UBN1: variants seen among roughly 807,000 people sequenced by gnomAD.
UBN1 encodes the protein ubinuclein-1.
UBN1 carries 17 observed loss-of-function variants against 108.5 expected under a neutral mutation model. The ratio of observed to expected loss-of-function variants is 0.16; its 90% CI spans 0.11 to 0.24. The LOEUF is 0.24. Ranked by LOEUF, UBN1 falls within the 10% of genes least tolerant of loss-of-function variation. The pLI is 1.00. For missense variants in UBN1, 1,595 were observed against 1,394.4 expected (o/e 1.14, Z -2.29); for synonymous variants, 726 against 564.2 (o/e 1.29, Z -4.07).
chr16:4,858,888 C>G (rs745588347), intron 4 of UBN1, 137 bp from the exon 5 acceptor site: 5 of 1,193,458 alleles, frequency 4.2e-6, no homozygotes, highest in East Asian at 2.3e-5. Flanking sequence ...CTCAGACATT[C>G]ATGTTTGACC....
intron 7 of UBN1, among the ~76,000 whole-genome samples, chr16:4,865,699 G>A (rs201254159): frequency 3.0e-5 from 1 of 33,832 alleles, no homozygotes; most frequent in South Asian, 8.0e-4. Flanking sequence ...TGGTGGCTCA[G>A]CCTGTAATCC....
At chr16:4,858,521 T>C in intron 3 of UBN1, 47 bp from the exon 4 acceptor site, 1 of 1,559,248 alleles carries the variant, frequency 6.4e-7, no homozygotes, top group South Asian at 1.1e-5. Flanking sequence ...CAGTTAATTC[T>C]GTGTGTTTAT....
intron 4 of UBN1, 84 bp downstream of exon 4, chr16:4,858,747 C>T: frequency 2.9e-6 from 4 of 1,378,260 alleles, no homozygotes; most frequent in South Asian, 2.4e-5. Flanking sequence ...GGGGTGGGGT[C>T]AGAGCAGTCG....
intron 6 of UBN1, 21 bp from the exon 7 acceptor site, chr16:4,860,643 C>T (rs774791222): frequency 3.8e-6 from 6 of 1,595,982 alleles, no homozygotes; most frequent in Non-Finnish European, 5.1e-6. Context: ...TCTGAGTGAC[C>T]AGTTTCCCTC....
Position 4,853,060 on chromosome 16 carries a change from C to A in UBN1, c.143C>A (p.Thr48Lys), listed in dbSNP as rs770432091. The change falls in exon 2 of 18, where the codon ACA (threonine) becomes AAA (lysine). Residue 48 changes from threonine to lysine, a missense_variant. By Grantham distance (78) the Thr-to-Lys change is moderately conservative. This residue lies in a region of UBN1 where 181 missense variants were observed against 157.3 expected (regional missense o/e 1.15). Transcript: ENST00000262376. ...CCGGCTGCAGCAGCTGTTCGGATTA[C>A]ACTCACCCTCTTTGAACCAGATCAC... ...CEPAAAAVRITLTLFEPDHKR... is the reference protein window; with the variant it reads ...CEPAAAAVRIKLTLFEPDHKR... 3 of 1,614,132 alleles carry A rather than the reference C, an allele frequency of 1.9e-6. No homozygotes were observed. The highest frequency in any genetic ancestry group is 2.5e-6 in the Non-Finnish European group (3 of 1,180,044).
At position 4,872,127 on chromosome 16, in the gene UBN1, C is replaced by T. The variant is rs963252375; in HGVS notation, c.1707-757C>T. 1.1e-5 allele frequency: 10 copies of T among 925,070 alleles called. No homozygotes were observed. The South Asian group carries it at 4.0e-4, about 37-fold the overall frequency. 57.3% of individuals were successfully genotyped at this position (925,070 alleles called of 1,614,324 possible). On this transcript the variant is annotated intron_variant, in intron 12 of 17. Coordinates refer to ENST00000262376, the MANE Select transcript of UBN1 (RefSeq NM_001079514.3). Reference sequence around the variant, plus strand: ...CTGGAGTGATTTTCTTGATTGGACTCGAATCATCTGTTGTGCGGATAGATC... The same window carrying T: ...CTGGAGTGATTTTCTTGATTGGACTTGAATCATCTGTTGTGCGGATAGATC...
intron 4 of UBN1, 37 bp from the exon 5 acceptor site, chr16:4,858,988 C>G: frequency 1.2e-6 from 2 of 1,606,118 alleles, no homozygotes; most frequent in Non-Finnish European, 1.7e-6. Context: ...ACTGCAGAAG[C>G]AGAACTTGGA....
chr16:4,869,859 G>C (rs1272886560), intron 8 of UBN1, among the ~76,000 whole-genome samples: 1 of 152,182 alleles, frequency 6.6e-6, no homozygotes, highest in Non-Finnish European at 1.5e-5. Context: ...ATGCTGCCGG[G>C]AAGTGTCTCC....
intron 5 of UBN1, 142 bp downstream of exon 5, chr16:4,859,301 C>T (rs906468499): frequency 1.8e-5 from 22 of 1,201,416 alleles, no homozygotes; most frequent in South Asian, 4.4e-5. Context: ...GTTGATGGCT[C>T]GCCTCTTACA....
At chr16:4,870,753 CT>C in intron 10 of UBN1, 90 bp from the exon 11 acceptor site, 6 of 1,590,690 alleles carry the variant, frequency 3.8e-6, no homozygotes, top group Non-Finnish European at 5.1e-6. Context: ...GCCTTTTCTC[CT>C]TCTCTGTGAA....
intron 4 of UBN1, 81 bp downstream of exon 4, chr16:4,858,744 G>A: frequency 2.2e-6 from 3 of 1,391,148 alleles, no homozygotes; most frequent in South Asian, 2.4e-5. Flanking sequence ...CTGGGGGTGG[G>A]GTCAGAGCAG....
Position 4,852,895 on chromosome 16 carries a change from C to T in UBN1, c.-23C>T, listed in dbSNP as rs749705037. 3.1e-6 allele frequency: 5 copies of T among 1,601,526 alleles called. No individual in the cohort carries two copies. The South Asian group carries it at 5.5e-5, about 18-fold the overall frequency. On this transcript the variant is annotated 5_prime_UTR_variant, in exon 2 of 18. Coordinates refer to ENST00000262376, the MANE Select transcript of UBN1 (RefSeq NM_001079514.3). ...TGTTAACAGAAGCCATGCAGTGACA[C>T]CCGCTAAGACTTGTTGGTAGCCATG... is the stretch of plus-strand genomic sequence containing the variant.
Position 4,874,592 on chromosome 16 carries a change from C to T in UBN1, c.2182C>T (p.Pro728Ser), listed in dbSNP as rs779059450. 5.4e-5 allele frequency: 87 copies of T among 1,614,112 alleles called. 2 individuals carry two copies. The South Asian group carries it at 9.3e-4, about 17-fold the overall frequency. The change falls in exon 15 of 18, where the codon CCA becomes TCA. Residue 728 changes from proline to serine, a missense_variant. Coordinates refer to ENST00000262376, the MANE Select transcript of UBN1 (RefSeq NM_001079514.3). Reference sequence around the variant, plus strand: ...GAAGCCTAGTCCTTCTGCTCCACCACCAGCTAGCTCTCTGCAGTCACCCCT... The same window carrying T: ...GAAGCCTAGTCCTTCTGCTCCACCATCAGCTAGCTCTCTGCAGTCACCCCT... ...FAKPSPSAPP[P>S]ASSLQSPLNF...
In UBN1 at chr16:4,874,410, G is replaced by T. The variant is rs144033760; in HGVS notation, c.2000G>T (p.Arg667Leu). 5.9e-4 allele frequency: 947 copies of T among 1,613,922 alleles called. 11 individuals carry two copies. In the Admixed American group the frequency reaches 0.014, roughly 24 times the overall value. ...LEDSLDEDLI[R>L]NPASSVEAVS... is the part of the protein sequence containing the mutation. ...GACTCATTGGATGAAGACTTGATCCGCAATCCAGCCTCCTCGGTGGAAGCC... is the reference window on the plus strand; with the variant it reads ...GACTCATTGGATGAAGACTTGATCCTCAATCCAGCCTCCTCGGTGGAAGCC... Residue 667 changes from arginine to leucine, a missense_variant, in exon 15 of 18, where the codon CGC (arginine) becomes CTC (leucine). Physicochemically the swap from Arg to Leu is moderately radical, Grantham distance 102. Coordinates refer to ENST00000262376, the MANE Select transcript of UBN1 (RefSeq NM_001079514.3).
chr16:4,853,953 TCTGCC>T (rs2086674855), intron 2 of UBN1, among the ~76,000 whole-genome samples: 1 of 152,124 alleles, frequency 6.6e-6, no homozygotes, highest in South Asian at 2.1e-4. Context: ...AAACCCTCCT[TCTGCC>T]CTGCCAGAAG....
At position 4,871,240 on chromosome 16, in the gene UBN1, G is replaced by C. The variant is rs767208649; in HGVS notation, c.1645G>C (p.Val549Leu). The change falls in exon 12 of 18, where the codon GTG (valine) becomes CTG (leucine). Residue 549 changes from valine (V) to leucine (L), a missense_variant. By Grantham distance (32) the Val-to-Leu change is conservative. Around this residue, in one of 3 missense-constraint regions of UBN1, gnomAD observed 1,398 missense variants for 1,194.7 expected, o/e 1.17. Coordinates refer to ENST00000262376, the MANE Select transcript of UBN1 (RefSeq NM_001079514.3). ...NNKAQAWEDCVKGFLDAEVKP... is the reference protein window; with the variant it reads ...NNKAQAWEDCLKGFLDAEVKP... ...CAAAGCCCAGGCTTGGGAGGACTGT[G>C]TGAAGGGCTTTCTGGATGCGGAAGT... 6.2e-7 allele frequency: 1 copy of C among 1,614,254 alleles called. No homozygotes were observed. The highest frequency in any genetic ancestry group is 1.1e-5 in the South Asian group (1 of 91,084).
At chr16:4,871,010 G>A in intron 11 of UBN1, 38 bp downstream of exon 11, 1 of 1,612,362 alleles carries the variant, frequency 6.2e-7, no homozygotes, top group Non-Finnish European at 8.5e-7. Flanking sequence ...TTGGAGGGTT[G>A]GTGGGGCAGT....
chr16:4,853,561 C>CTT (rs770275981), intron 2 of UBN1, among the ~76,000 whole-genome samples: 2 of 137,998 alleles, frequency 1.4e-5, no homozygotes, highest in South Asian at 2.3e-4. Flanking sequence ...TTTTTTCTTT[C>CTT]TTTTTTTTTT....
At chr16:4,858,909 T>A in intron 4 of UBN1, 116 bp from the exon 5 acceptor site, 1 of 1,360,984 alleles carries the variant, frequency 7.3e-7, no homozygotes, top group Non-Finnish European at 1.0e-6. Flanking sequence ...AGAGGATGTT[T>A]TAGCATGCTC....
Sources: allele counts gnomAD v4.1 joint callset (sites outside exome capture counted in the v4.1 genomes callset), GRCh38; gene constraint gnomAD v4.1.1; regional missense constraint gnomAD v4.1.1; transcripts MANE v1.5; gene names NCBI Gene and HGNC (gene_info 2026-07-23, HGNC 2026-07-21).